PLXDC2: variants seen among roughly 807,000 people sequenced by gnomAD.
PLXDC2 encodes the protein plexin domain containing 2.
A neutral mutation model predicts 68.9 loss-of-function variants in PLXDC2; 40 were observed. The observed-to-expected ratio is 0.58, with a 90% CI of 0.45 to 0.76. PLXDC2 has a LOEUF of 0.76. PLXDC2 is among the 30% of genes least tolerant of loss of function. The pLI is 0.00. For missense variants in PLXDC2, 644 were observed against 661.9 expected, an observed-to-expected ratio of 0.97 and a Z score of 0.30; for synonymous variants, 243 against 234.2, an observed-to-expected ratio of 1.04 and a Z score of -0.34.
chr10:19,987,647 A>C (rs935475984), intron 1 of PLXDC2, among the ~76,000 whole-genome samples: 24 of 151,412 alleles, frequency 1.6e-4, no homozygotes, highest in Middle Eastern at 3.4e-3. Context: ...CTGCAAGCTC[A>C]GCCTCCAGGG....
At chr10:20,002,913 A>G (rs553464904) in intron 2 of PLXDC2, among the ~76,000 whole-genome samples, 5 of 152,258 alleles carry the variant, frequency 3.3e-5, no homozygotes, top group East Asian at 3.9e-4. Flanking sequence ...TCTGGAACGT[A>G]GGATGGCTTC....
chr10:20,196,991 AT>A (rs11454740), intron 9 of PLXDC2, among the ~76,000 whole-genome samples: 1 of 151,380 alleles, frequency 6.6e-6, no homozygotes, highest in East Asian at 2.0e-4. Context: ...GCAAAGTTGG[AT>A]TTTTTTTTCT....
rs991440739 is a variant in PLXDC2 at position 19,929,200 on chromosome 10, G to A, written c.113-72575G>A. Among the ~76,000 whole-genome samples, 135 of 151,810 alleles carry A rather than the reference G, an allele frequency of 8.9e-4. 2 individuals carry two copies. The highest frequency in any genetic ancestry group is 3.0e-3 in the African/African-American group (126 of 41,444). On this transcript the variant is annotated intron_variant, in intron 1 of 13. Coordinates refer to ENST00000377252, the MANE Select transcript of PLXDC2 (RefSeq NM_032812.9). ...TCAACACCAGCCTGGCCAATGTGGT[G>A]AAACCCTGCTCTACTAAAAGAAAAA...
chr10:19,997,485 T>C (rs1834862231), intron 1 of PLXDC2, among the ~76,000 whole-genome samples: 1 of 152,244 alleles, frequency 6.6e-6, no homozygotes, highest in Admixed American at 6.5e-5. Flanking sequence ...TTACATAAGA[T>C]GCATGTCAAT....
At chr10:20,136,762 C>CCATCAACT (rs1833938745) in intron 4 of PLXDC2, among the ~76,000 whole-genome samples, 2 of 152,172 alleles carry the variant, frequency 1.3e-5, no homozygotes, top group African/African-American at 2.4e-5. Context: ...ACAGGCATAC[C>CCATCAACT]CATCAACTCC....
intron 9 of PLXDC2, among the ~76,000 whole-genome samples, chr10:20,200,146 C>CAA (rs34400112): frequency 6.6e-5 from 10 of 150,726 alleles, no homozygotes; most frequent in South Asian, 2.1e-4. Context: ...AAAAACAAAA[C>CAA]AAAAAAAATA....
chr10:20,200,831 A>T (rs890622096), intron 9 of PLXDC2, among the ~76,000 whole-genome samples: 1 of 152,140 alleles, frequency 6.6e-6, no homozygotes, highest in Non-Finnish European at 1.5e-5. Flanking sequence ...ATGAGGTATC[A>T]TCTCACCCCA....
intron 12 of PLXDC2, among the ~76,000 whole-genome samples, chr10:20,222,453 GT>G (rs1264580470): frequency 4.6e-5 from 7 of 152,216 alleles, no homozygotes; most frequent in African/African-American, 1.4e-4. Flanking sequence ...TGTGCAGTGA[GT>G]TTCCTGATAC....
At chr10:19,947,816 C>T (rs1270144025) in intron 1 of PLXDC2, among the ~76,000 whole-genome samples, 1 of 147,762 alleles carries the variant, frequency 6.8e-6, no homozygotes, top group Non-Finnish European at 1.5e-5. Flanking sequence ...ATATTAATAA[C>T]TCCTTGAAGA....
intron 9 of PLXDC2, among the ~76,000 whole-genome samples, chr10:20,197,220 A>G (rs917792644): frequency 6.6e-6 from 1 of 152,204 alleles, no homozygotes; most frequent in Non-Finnish European, 1.5e-5. Flanking sequence ...AAAGTAAAAA[A>G]TATGCAACAT....
rs552289300 is a variant in PLXDC2, at chr10:20,029,962, C to A, written c.325-16907C>A. 3.0e-3 allele frequency among the ~76,000 whole-genome samples: 454 copies of A among 152,218 alleles called. 2 individuals carry two copies. The highest frequency in any genetic ancestry group is 0.01 in the African/African-American group (435 of 41,538). On this transcript the variant is annotated intron_variant, in intron 2 of 13. Coordinates refer to ENST00000377252, the MANE Select transcript of PLXDC2 (RefSeq NM_032812.9). ...AAGATGTGATCCTAGAAGAATTTAT[C>A]ATTTGAATTTGGCTTTTAAATTCTT... is the stretch of plus-strand genomic sequence containing the variant.
chr10:20,174,290 TTTTA>T (rs1328827483), intron 7 of PLXDC2, among the ~76,000 whole-genome samples: 13 of 147,434 alleles, frequency 8.8e-5, no homozygotes, highest in Non-Finnish European at 3.0e-5. Flanking sequence ...TGAGCCATCT[TTTTA>T]TTTGTCTTAA....
intron 3 of PLXDC2, among the ~76,000 whole-genome samples, chr10:20,058,060 A>T (rs1378079312): frequency 6.6e-6 from 1 of 152,216 alleles, no homozygotes; most frequent in Non-Finnish European, 1.5e-5. Flanking sequence ...ACTTGGTCTA[A>T]CTTTCAATTT....
chr10:19,836,270 G>A (rs1205139836), intron 1 of PLXDC2, among the ~76,000 whole-genome samples: 5 of 152,006 alleles, frequency 3.3e-5, no homozygotes, highest in Non-Finnish European at 4.4e-5. Context: ...TTTTTTGCCG[G>A]CAAAGGAGAT....
rs971889939 is a variant in PLXDC2, at chr10:20,287,331, G to A, written c.*7512G>A. ...CCATTTATCTTCCTTTGACTTAAAA[G>A]GCATGAAAATAAGGCAAAAAAATCA... On this transcript the variant is annotated 3_prime_UTR_variant, in exon 14 of 14. Transcript: ENST00000377252. The A allele has an allele frequency of 6.6e-6, 1 of 152,018 alleles. No homozygotes were observed. The highest frequency in any genetic ancestry group is 2.4e-5 in the African/African-American group (1 of 41,378). 9.4% of individuals were successfully genotyped at this position (152,018 alleles called of 1,614,324 possible).
At chr10:20,107,333 T>C (rs888361728) in intron 4 of PLXDC2, among the ~76,000 whole-genome samples, 11 of 152,216 alleles carry the variant, frequency 7.2e-5, no homozygotes, top group African/African-American at 2.6e-4. Flanking sequence ...CCGTTATCCA[T>C]CTAGTCCTTC....
At chr10:19,965,322 A>G (rs1834229578) in intron 1 of PLXDC2, among the ~76,000 whole-genome samples, 1 of 152,194 alleles carries the variant, frequency 6.6e-6, no homozygotes, top group Non-Finnish European at 1.5e-5. Context: ...CCATAATCAT[A>G]AAGTCTTATC....
intron 3 of PLXDC2, among the ~76,000 whole-genome samples, chr10:20,056,184 T>A (rs895139696): frequency 6.6e-6 from 1 of 152,188 alleles, no homozygotes. Flanking sequence ...TATAGTTACT[T>A]ATGTAGTTTA....
At chr10:20,210,244 C>T (rs1835050994) in intron 9 of PLXDC2, among the ~76,000 whole-genome samples, 1 of 152,024 alleles carries the variant, frequency 6.6e-6, no homozygotes, top group Admixed American at 6.6e-5. Flanking sequence ...TGGAAATTAA[C>T]AACTAGTAAT....
Sources: allele counts gnomAD v4.1 joint callset (sites outside exome capture counted in the v4.1 genomes callset), GRCh38; gene constraint gnomAD v4.1.1; transcripts MANE v1.5; gene names NCBI Gene and HGNC (gene_info 2026-07-23, HGNC 2026-07-21).